Variants in ROS1 observed in about 807,000 individuals in gnomAD.
ROS1 encodes proto-oncogene tyrosine-protein kinase ROS.
In ROS1, 263 loss-of-function variants were observed where a neutral mutation model predicts 273.5. That is an observed-to-expected ratio of 0.96 (90% CI 0.87 to 1.06). The LOEUF is 1.06. Ranked by LOEUF, ROS1 falls within the 50% of genes least tolerant of loss-of-function variation. The pLI is 0.00. For synonymous variants in ROS1, 1,008 were observed against 954.1 expected (o/e 1.06, Z -1.04); for missense variants, 2,833 against 2,751.1 (o/e 1.03, Z -0.67).
chr6:117,306,030 G>GT (rs78945275), intron 42 of ROS1, among the ~76,000 whole-genome samples: 2,615 of 123,022 alleles, frequency 0.021, 49 homozygotes, highest in African/African-American at 0.031. Context: ...TTCTCCTCAA[G>GT]TTTTTTTTTT....
At chr6:117,343,087 T>C (rs1582678899) in intron 28 of ROS1, among the ~76,000 whole-genome samples, 1 of 102,394 alleles carries the variant, frequency 9.8e-6, no homozygotes, top group Admixed American at 9.5e-5. Flanking sequence ...GAGTGTTTTG[T>C]TTTTTTTTTT....
chr6:117,360,122 C>A, intron 23 of ROS1, 111 bp from the exon 24 acceptor site: 2 of 844,698 alleles, frequency 2.4e-6, no homozygotes, highest in South Asian at 3.5e-5. Flanking sequence ...CCTTTGGTTC[C>A]TCTAATAGAT....
chr6:117,400,775 C>A (rs1361303991), intron 7 of ROS1, among the ~76,000 whole-genome samples: 8 of 152,156 alleles, frequency 5.3e-5, no homozygotes, highest in Non-Finnish European at 1.2e-4. Context: ...TGACCTTCTC[C>A]TTTTTTCAAC....
intron 37 of ROS1, among the ~76,000 whole-genome samples, chr6:117,319,579 A>G (rs1242750429): frequency 2.6e-5 from 4 of 151,966 alleles, no homozygotes; most frequent in African/African-American, 9.7e-5. Flanking sequence ...GTGTTTCACA[A>G]CTCCAGTTCT....
At chr6:117,309,038 G>T in intron 41 of ROS1, 110 bp from the exon 42 acceptor site, 1 of 1,046,092 alleles carries the variant, frequency 9.6e-7, no homozygotes. Context: ...CTTTGTCAGT[G>T]TATTATTGGC....
chr6:117,352,886 C>T, intron 27 of ROS1, 104 bp downstream of exon 27: 1 of 1,009,850 alleles, frequency 9.9e-7, no homozygotes, highest in Non-Finnish European at 1.5e-6. Flanking sequence ...AGGATGAGAG[C>T]ACAACAAAGG....
Position 117,397,109 on chromosome 6 carries a change from T to C in ROS1, c.612A>G (p.Glu204=). The C allele has an allele frequency of 6.2e-7, 1 of 1,609,470 alleles. No individual in the cohort carries two copies. The highest frequency in any genetic ancestry group is 1.1e-5 in the South Asian group (1 of 90,854). The change falls in exon 8 of 44, where the codon GAA becomes GAG. Residue 204 remains glutamate (E), a synonymous_variant. Coordinates refer to ENST00000368507, the MANE Select transcript of ROS1 (RefSeq NM_001378902.1). ...CAATATTCCTAATCAAAGGTGCAGT[T>C]TCAGGAACTGGAAGAGATAATGGTG... The part of the protein sequence containing the change: ...SYRTHPHGVP[E]TAPLIRNIES...
rs559542543 is a variant in ROS1, at chr6:117,320,791, T to G, written c.5759+468A>C. ...AACCTTTGCATAAGACACTTGAATA[T>G]TTTCCTTAATTATGACGGCAACAAA... On this transcript the variant is annotated intron_variant, in intron 36 of 43. Coordinates refer to ENST00000368507, the MANE Select transcript of ROS1 (RefSeq NM_001378902.1). 2.6e-3 allele frequency among the ~76,000 whole-genome samples: 402 copies of G among 152,254 alleles called. 2 individuals carry two copies. The highest frequency in any genetic ancestry group is 3.7e-3 in the Non-Finnish European group (253 of 68,010).
At chr6:117,301,770 T>G (rs1282896206) in intron 42 of ROS1, 1 of 152,250 alleles carries the variant, frequency 6.6e-6, no homozygotes, top group East Asian at 1.9e-4. Context: ...AAAGATTTAC[T>G]CCATTCCACA....
At chr6:117,361,922 A>G (rs1397308383) in intron 22 of ROS1, among the ~76,000 whole-genome samples, 3 of 152,114 alleles carry the variant, frequency 2.0e-5, no homozygotes, top group Non-Finnish European at 4.4e-5. Flanking sequence ...TGAGGATCAA[A>G]TGAGATAATG....
At chr6:117,320,435 CAT>C (rs1776213505) in intron 36 of ROS1, among the ~76,000 whole-genome samples, 1 of 152,090 alleles carries the variant, frequency 6.6e-6, no homozygotes, top group African/African-American at 2.4e-5. Context: ...CTATTTCACA[CAT>C]GTGACATCTT....
At chr6:117,366,921 C>A (rs1780298559) in intron 18 of ROS1, among the ~76,000 whole-genome samples, 1 of 152,162 alleles carries the variant, frequency 6.6e-6, no homozygotes, top group Admixed American at 6.5e-5. Flanking sequence ...AAAGGCACAA[C>A]CTGGATTCTC....
intron 7 of ROS1, 78 bp from the exon 8 acceptor site, chr6:117,397,194 TTG>T: frequency 1.0e-6 from 1 of 1,001,256 alleles, no homozygotes; most frequent in Admixed American, 2.4e-5. Context: ...GAAAAAAGTC[TTG>T]TTTTTTTTTT....
chr6:117,330,094 G>A (rs868670041), intron 32 of ROS1, among the ~76,000 whole-genome samples: 101 of 152,328 alleles, frequency 6.6e-4, no homozygotes, highest in Middle Eastern at 3.4e-3. Flanking sequence ...GAGAAATGCA[G>A]CATCCATTTC....
At position 117,317,404 on chromosome 6, in the gene ROS1, C is replaced by T. The variant is rs1353314307; in HGVS notation, c.5988-132G>A. The T allele has an allele frequency of 1.0e-5, 10 of 979,052 alleles. No homozygotes were observed. The East Asian group carries it at 1.3e-4, about 13-fold the overall frequency. 60.6% of individuals were successfully genotyped at this position (979,052 alleles called of 1,614,324 possible). A position where few individuals can be genotyped will look rare whatever the true frequency, so the allele number is the denominator to read the frequency against. On this transcript the variant is annotated intron_variant, in intron 38 of 43. Coordinates refer to ENST00000368507, the MANE Select transcript of ROS1 (RefSeq NM_001378902.1). ...CCCTGACTTAGTGTCTCTAACACTT[C>T]GTTTTCCAACTCCTGGTCTTTGTGC... is the stretch of plus-strand genomic sequence containing the variant.
intron 18 of ROS1, among the ~76,000 whole-genome samples, chr6:117,371,696 G>T (rs1162699624): frequency 6.6e-6 from 1 of 152,212 alleles, no homozygotes; most frequent in Admixed American, 6.5e-5. Flanking sequence ...CCTGCGGCAA[G>T]TTCTTAGTCC....
chr6:117,358,613 C>T (rs555865253), intron 24 of ROS1, among the ~76,000 whole-genome samples: 2 of 152,168 alleles, frequency 1.3e-5, no homozygotes, highest in East Asian at 1.9e-4. Context: ...GTGCGCACCA[C>T]CACGTCCAGC....
Position 117,389,856 on chromosome 6 carries a change from G to C in ROS1, c.1290-10C>G. On this transcript the variant is annotated splice_polypyrimidine_tract_variant and intron_variant, in intron 12 of 43. Transcript: ENST00000368507. ...GAGGTAAAAGACATACCTGACACAG[G>C]AACAAAAGAAACCTCATGAGATTCA... 1.3e-6 allele frequency: 2 copies of C among 1,593,214 alleles called. No homozygotes were observed. The highest frequency in any genetic ancestry group is 3.4e-5 in the Admixed American group (2 of 58,198).
At position 117,360,363 on chromosome 6, in the gene ROS1, C is replaced by T. The variant is rs777135627; in HGVS notation, c.3409G>A (p.Val1137Ile). The change falls in exon 23 of 44, where the codon GTT (valine) becomes ATT (isoleucine). Residue 1137 changes from valine to isoleucine, a missense_variant. Transcript: ENST00000368507. ...ATACCTGATGTTGTAGACTTTACAA[C>T]GTCAGCATATGGTCCTGGCCCCTTA... ...TSKGPGPYAD[V>I]VKSTTSEINP... The T allele has an allele frequency of 6.0e-5, 97 of 1,612,758 alleles. No individual in the cohort carries two copies. The highest frequency in any genetic ancestry group is 8.9e-5 in the East Asian group (4 of 44,830).
Sources: allele counts gnomAD v4.1 joint callset (sites outside exome capture counted in the v4.1 genomes callset), GRCh38; gene constraint gnomAD v4.1.1; transcripts MANE v1.5; gene names NCBI Gene and HGNC (gene_info 2026-07-23, HGNC 2026-07-21).